HIP1: variants seen among roughly 807,000 people sequenced by gnomAD.
HIP1 encodes huntingtin-interacting protein 1.
A neutral mutation model predicts 147.6 loss-of-function variants in HIP1; 65 were observed. The ratio of observed to expected loss-of-function variants is 0.44; its 90% CI spans 0.36 to 0.54. The LOEUF (loss-of-function observed/expected upper bound fraction) is 0.54. HIP1 is among the 20% of genes least tolerant of loss of function. The probability of loss-of-function intolerance (pLI) is 0.00; values close to 1 mark genes in which losing one functional copy is unlikely to be tolerated. For missense variants in HIP1, 1,061 were observed against 1,299.6 expected (o/e 0.82, Z 2.82); for synonymous variants, 479 against 504.0 (o/e 0.95, Z 0.67).
intron 2 of HIP1, among the ~76,000 whole-genome samples, chr7:75,595,242 TTCTTTC>T (rs1399755828): frequency 8.5e-6 from 1 of 117,242 alleles, no homozygotes; most frequent in African/African-American, 3.9e-5. Context: ...CTTTCTTTCT[TTCTTTC>T]TTTCTTCCTT....
intron 1 of HIP1, among the ~76,000 whole-genome samples, chr7:75,686,467 G>A (rs1340010111): frequency 2.0e-5 from 3 of 152,074 alleles, no homozygotes; most frequent in Non-Finnish European, 2.9e-5. Context: ...TTGCTCTAGC[G>A]TCATGTATTG....
chr7:75,563,800 C>A (rs781892859), intron 9 of HIP1, among the ~76,000 whole-genome samples: 3 of 152,182 alleles, frequency 2.0e-5, no homozygotes, highest in Non-Finnish European at 4.4e-5. Context: ...ACAGGGCAGC[C>A]GTTCAATAAA....
At chr7:75,606,830 A>G (rs1554503906) in intron 1 of HIP1, among the ~76,000 whole-genome samples, 2 of 152,178 alleles carry the variant, frequency 1.3e-5, no homozygotes, top group Admixed American at 6.6e-5. Context: ...ATTATCTTAT[A>G]TAAAGTCTTA....
At position 75,592,127 on chromosome 7, in the gene HIP1, G is replaced by A; in HGVS notation, c.328-15C>T. 2 of 1,610,512 alleles carry A rather than the reference G, an allele frequency of 1.2e-6. No homozygotes were observed. The highest frequency in any genetic ancestry group is 1.7e-4 in the Middle Eastern group (1 of 6,052). On this transcript the variant is annotated splice_polypyrimidine_tract_variant and intron_variant, in intron 3 of 30. Transcript: ENST00000336926. The stretch of plus-strand genomic sequence containing the variant: ...TCCTTCAGGACCTGCAGGGGCAAAA[G>A]AACAGCCTGTGAGAGAATGGAGAAG...
At chr7:75,632,349 T>A (rs587622663) in intron 1 of HIP1, among the ~76,000 whole-genome samples, 1 of 152,260 alleles carries the variant, frequency 6.6e-6, no homozygotes, top group African/African-American at 2.4e-5. Flanking sequence ...AAAATCTTAG[T>A]GATCAGTGAC....
chr7:75,699,583 AC>A (rs1800750002), intron 1 of HIP1, among the ~76,000 whole-genome samples: 1 of 152,230 alleles, frequency 6.6e-6, no homozygotes, highest in African/African-American at 2.4e-5. Context: ...CACGGGCCAA[AC>A]AAAATGGGCC....
chr7:75,568,143 A>G lies in HIP1; in HGVS notation c.803+56T>C. The G allele has an allele frequency of 8.0e-7, 1 of 1,250,320 alleles. No homozygotes were observed. The highest frequency in any genetic ancestry group is 1.2e-6 in the Non-Finnish European group (1 of 848,312). The allele number at this position is 1,250,320 out of a possible 1,614,324, so 77.5% of individuals were successfully genotyped here. The stretch of plus-strand genomic sequence containing the variant: ...CTCTCACAGTGCACTTGCATGGCTT[A>G]ATGATTTTATAGCGCTCTTGAATTC... On this transcript the variant is annotated intron_variant, in intron 9 of 30. Transcript: ENST00000336926. The surrounding 1 kb of genome is among the most constrained non-coding windows in gnomAD (Gnocchi z 4.1).
intron 17 of HIP1, 127 bp from the exon 18 acceptor site, chr7:75,556,296 T>A (rs1385016769): frequency 1.7e-6 from 2 of 1,165,058 alleles, no homozygotes; most frequent in Non-Finnish European, 2.4e-6. Context: ...CCTGCCACTC[T>A]GATTCCCTCC....
At position 75,541,916 on chromosome 7, in the gene HIP1, C is replaced by T; in HGVS notation, c.2952+3G>A. On this transcript the variant is annotated splice_donor_region_variant and intron_variant, in intron 29 of 30. Coordinates refer to ENST00000336926, the MANE Select transcript of HIP1 (RefSeq NM_005338.7). ...TATCTAGACTTACAGATGGAGCTCT[C>T]ACCTGAGAATCCATCTCTTGGCGTT... 1.9e-6 allele frequency: 3 copies of T among 1,606,266 alleles called. No homozygotes were observed. The highest frequency in any genetic ancestry group is 2.6e-6 in the Non-Finnish European group (3 of 1,172,836).
intron 7 of HIP1, among the ~76,000 whole-genome samples, chr7:75,579,228 C>A (rs965625706): frequency 6.6e-6 from 1 of 152,280 alleles, no homozygotes; most frequent in African/African-American, 2.4e-5. Context: ...TCTCTACTGA[C>A]TTTTGTATAA....
intron 7 of HIP1, among the ~76,000 whole-genome samples, chr7:75,575,859 T>C (rs1795828464): frequency 6.6e-6 from 1 of 151,910 alleles, no homozygotes; most frequent in African/African-American, 2.4e-5. Context: ...TAGCACTGCC[T>C]GTATTCCGCT....
At chr7:75,601,457 C>T (rs1019112474) in intron 1 of HIP1, among the ~76,000 whole-genome samples, 3 of 151,876 alleles carry the variant, frequency 2.0e-5, no homozygotes, top group Middle Eastern at 3.4e-3. Context: ...GGCGTGGTGA[C>T]GGGCGCCTGT....
intron 4 of HIP1, 146 bp downstream of exon 4, chr7:75,591,910 C>A: frequency 1.4e-6 from 1 of 739,872 alleles, no homozygotes. Context: ...TCTTTGGGGG[C>A]ATCCTTAGTC....
intron 1 of HIP1, among the ~76,000 whole-genome samples, chr7:75,634,754 C>T (rs1227715481): frequency 2.0e-5 from 3 of 151,736 alleles, no homozygotes; most frequent in Admixed American, 6.6e-5. Flanking sequence ...AGAAGACCCC[C>T]GTCTCTACAA....
chr7:75,719,208 A>G (rs1237102279), intron 1 of HIP1, among the ~76,000 whole-genome samples: 8 of 152,076 alleles, frequency 5.3e-5, no homozygotes, highest in Admixed American at 4.6e-4. Context: ...ACTAAGTACT[A>G]GTAAGAGAAG....
chr7:75,549,695 A>C (rs1554491758), intron 22 of HIP1, among the ~76,000 whole-genome samples: 1 of 151,652 alleles, frequency 6.6e-6, no homozygotes, highest in Non-Finnish European at 1.5e-5. Context: ...TTTGAGACAC[A>C]GTCTTGCCCT....
rs181644747 is a variant in HIP1, at chr7:75,545,672, G to A, written c.2560-484C>T. On this transcript the variant is annotated intron_variant, in intron 25 of 30. Transcript: ENST00000336926. ...AAACAAAACAAAACCCTGGCTAGGC[G>A]CGGTGGTTCACGCCTGTAATCCCAG... Among the ~76,000 whole-genome samples the A allele has an allele frequency of 3.8e-3, 574 of 151,628 alleles. 3 individuals are homozygous for A. Among genetic ancestry groups the A allele is most frequent in the African/African-American group, 0.013 (546 of 41,324 alleles).
intron 22 of HIP1, among the ~76,000 whole-genome samples, chr7:75,550,633 A>T (rs1440169808): frequency 6.6e-6 from 1 of 151,940 alleles, no homozygotes; most frequent in East Asian, 1.9e-4. Context: ...AGGCTGTATC[A>T]AACTCCTGGC....
At chr7:75,720,417 T>C (rs1479833579) in intron 1 of HIP1, among the ~76,000 whole-genome samples, 2 of 152,114 alleles carry the variant, frequency 1.3e-5, no homozygotes, top group African/African-American at 2.4e-5. Flanking sequence ...CGCGTTGGCC[T>C]CCCAAAGTGC....
Sources: gnomAD v4.1 joint callset for allele counts (sites outside exome capture counted in the v4.1 genomes callset) on GRCh38, gnomAD v4.1.1 for gene constraint, Gnocchi (gnomAD v3.1) non-coding constraint, MANE v1.5 for transcripts, NCBI Gene and HGNC (gene_info 2026-07-23, HGNC 2026-07-21) for gene names.